PDE8B: variants seen among roughly 807,000 people sequenced by gnomAD.
The protein encoded by PDE8B is phosphodiesterase 8B.
A neutral mutation model predicts 101.3 loss-of-function variants in PDE8B; 26 were observed. The ratio of observed to expected loss-of-function variants is 0.26; its 90% CI spans 0.19 to 0.36. The LOEUF (loss-of-function observed/expected upper bound fraction) is 0.36. Ranked by LOEUF, PDE8B falls within the 10% of genes least tolerant of loss-of-function variation. PDE8B has a pLI of 1.00. For synonymous variants in PDE8B, 424 were observed against 429.3 expected (o/e 0.99, Z 0.15); for missense variants, 810 against 1,163.1 (o/e 0.70, Z 4.42).
the PDE8B span, among the ~76,000 whole-genome samples, chr5:77,091,876 A>T: frequency 6.6e-6 from 1 of 152,282 alleles, no homozygotes; most frequent in South Asian, 2.1e-4. Flanking sequence ...TTCATAGAGG[A>T]GTTTTTAGTA....
At chr5:77,287,560 C>CTT (rs1561472786) in intron 1 of PDE8B, among the ~76,000 whole-genome samples, 55 of 151,920 alleles carry the variant, frequency 3.6e-4, no homozygotes, top group African/African-American at 1.3e-3. Flanking sequence ...GACGCGTTCT[C>CTT]TCTAATCCTA....
intron 1 of PDE8B, 41 bp from the exon 2 acceptor site, chr5:77,311,953 G>GTT: frequency 2.0e-6 from 3 of 1,527,146 alleles, no homozygotes; most frequent in Non-Finnish European, 1.8e-6. Context: ...CATTTGTGTA[G>GTT]TTTAAGACTT....
chr5:77,373,148 G>A (rs1785371069), intron 10 of PDE8B, among the ~76,000 whole-genome samples: 1 of 151,830 alleles, frequency 6.6e-6, no homozygotes, highest in East Asian at 1.9e-4. Context: ...GATCTTTTTG[G>A]AGAACCAACT....
intron 10 of PDE8B, among the ~76,000 whole-genome samples, chr5:77,373,959 C>T (rs913749046): frequency 6.6e-6 from 1 of 152,164 alleles, no homozygotes; most frequent in Admixed American, 6.5e-5. Flanking sequence ...AAGCGATTCT[C>T]CTGCCTCAGC....
intron 1 of PDE8B, among the ~76,000 whole-genome samples, chr5:77,307,266 A>G (rs1197982248): frequency 6.6e-6 from 1 of 152,018 alleles, no homozygotes; most frequent in African/African-American, 2.4e-5. Context: ...CCAACCCAGT[A>G]TCTTCGTCCC....
At chr5:77,307,564 C>G (rs1771523489) in intron 1 of PDE8B, among the ~76,000 whole-genome samples, 1 of 152,048 alleles carries the variant, frequency 6.6e-6, no homozygotes, top group Admixed American at 6.6e-5. Context: ...GGTATTTATA[C>G]CACGGAAGTC....
chr5:77,366,264 G>A (rs182676329), intron 10 of PDE8B, among the ~76,000 whole-genome samples: 128 of 152,076 alleles, frequency 8.4e-4, no homozygotes, highest in African/African-American at 2.8e-3. Flanking sequence ...ATAGATCATC[G>A]TCCCTGCGAC....
chr5:77,421,934 C>A lies in PDE8B; in HGVS notation c.2364C>A (p.Pro788=), dbSNP rs1474865451. The A allele has an allele frequency of 3.1e-6, 5 of 1,614,078 alleles. No individual in the cohort carries two copies. Among genetic ancestry groups the A allele is most frequent in the Middle Eastern group, 1.6e-4 (1 of 6,084 alleles). The stretch of plus-strand genomic sequence containing the variant: ...CTGACGTGGCCAACCCATGCCGCCC[C>A]TTGGACCTGTGCATTGAATGGGCTG... The part of the protein sequence containing the change: ...KCADVANPCR[P]LDLCIEWAGR... The change falls in exon 20 of 22, where the codon CCC becomes CCA. Residue 788 remains proline (P), a synonymous_variant. Transcript: ENST00000264917.
At chr5:77,098,585 T>C in the PDE8B span, 1 of 152,196 alleles carries the variant, frequency 6.6e-6, no homozygotes, top group Non-Finnish European at 1.5e-5. Context: ...TGTGAACCAC[T>C]GTGCTGGGCC....
chr5:77,269,230 G>A (rs1461018696), intron 1 of PDE8B, among the ~76,000 whole-genome samples: 1 of 152,116 alleles, frequency 6.6e-6, no homozygotes, highest in African/African-American at 2.4e-5. Flanking sequence ...GGTGATCAAT[G>A]ATGTTGAGCA....
intron 1 of PDE8B, among the ~76,000 whole-genome samples, chr5:77,288,082 A>C (rs1209209946): frequency 1.3e-5 from 2 of 152,228 alleles, no homozygotes; most frequent in Non-Finnish European, 2.9e-5. Flanking sequence ...TCTAGTTGGC[A>C]GCTGGGAAGG....
chr5:77,228,983 AATGAT>A (rs1752985313), intron 1 of PDE8B, among the ~76,000 whole-genome samples: 1 of 152,188 alleles, frequency 6.6e-6, no homozygotes, highest in East Asian at 1.9e-4. Context: ...AACGGTCTGG[AATGAT>A]GTCCAGGTTT....
chr5:77,325,974 T>C (rs534705817), intron 3 of PDE8B, among the ~76,000 whole-genome samples: 3 of 152,272 alleles, frequency 2.0e-5, no homozygotes, highest in East Asian at 3.9e-4. Flanking sequence ...CCCTGATAAC[T>C]TCAGGGTATT....
At chr5:77,378,048 A>ACACACC (rs1347483439) in intron 10 of PDE8B, among the ~76,000 whole-genome samples, 8 of 93,848 alleles carry the variant, frequency 8.5e-5, no homozygotes, top group East Asian at 5.5e-4. Context: ...ACACACACAC[A>ACACACC]CCCCCTGTTG....
intron 1 of PDE8B, among the ~76,000 whole-genome samples, chr5:77,252,725 C>T (rs1236226297): frequency 2.0e-5 from 3 of 152,186 alleles, no homozygotes; most frequent in African/African-American, 7.2e-5. Context: ...ATATAATCAT[C>T]TTATCATTCC....
At chr5:77,170,558 G>A in the PDE8B span, among the ~76,000 whole-genome samples, 1 of 152,164 alleles carries the variant, frequency 6.6e-6, no homozygotes, top group East Asian at 1.9e-4. Flanking sequence ...TGAGGATAAA[G>A]GAACACATCT....
At chr5:77,426,228 A>G (rs927597612) in intron 21 of PDE8B, 4 of 611,302 alleles carry the variant, frequency 6.5e-6, no homozygotes, top group Non-Finnish European at 1.2e-5. Flanking sequence ...TTTACTCTGA[A>G]TCACAGGTTC....
the PDE8B span, among the ~76,000 whole-genome samples, chr5:77,187,730 G>A: frequency 9.3e-4 from 141 of 152,296 alleles, no homozygotes; most frequent in African/African-American, 3.2e-3. Context: ...CCCTGGTGTT[G>A]TCTGACTCCA....
chr5:77,388,313 C>T (rs372877114), intron 10 of PDE8B, among the ~76,000 whole-genome samples: 9 of 152,262 alleles, frequency 5.9e-5, no homozygotes, highest in African/African-American at 2.2e-4. Context: ...TGTTAGTTTT[C>T]CTTCTAACAG....
Sources: allele counts gnomAD v4.1 joint callset (sites outside exome capture counted in the v4.1 genomes callset), GRCh38; gene constraint gnomAD v4.1.1; transcripts MANE v1.5; gene names NCBI Gene and HGNC (gene_info 2026-07-23, HGNC 2026-07-21).